HIGD1A: variants seen among roughly 807,000 people sequenced by gnomAD.
The protein encoded by HIGD1A is HIG1 domain family member 1A, mitochondrial.
Under a neutral mutation model 11.3 loss-of-function variants are expected in HIGD1A, and 8 were observed. The ratio of observed to expected loss-of-function variants is 0.71; its 90% CI spans 0.42 to 1.28. The LOEUF is 1.28. Among genes scored for constraint, HIGD1A ranks in the 50% most tolerant of loss-of-function variants. The pLI is 0.01. For missense variants in HIGD1A, 107 were observed against 118.8 expected, an observed-to-expected ratio of 0.90 and a Z score of 0.46; for synonymous variants, 32 against 38.4, an observed-to-expected ratio of 0.83 and a Z score of 0.62.
chr3:42,789,528 A>G (rs1019390239), intron 2 of HIGD1A, among the ~76,000 whole-genome samples: 4 of 148,484 alleles, frequency 2.7e-5, no homozygotes, highest in Non-Finnish European at 5.9e-5. Flanking sequence ...AATAAAAAAT[A>G]AATTAAAAAA....
At chr3:42,801,058 T>C (rs567218326) in intron 1 of HIGD1A, among the ~76,000 whole-genome samples, 25 of 152,292 alleles carry the variant, frequency 1.6e-4, no homozygotes, top group African/African-American at 6.0e-4. Context: ...GGCTATATAG[T>C]TTTTTATGAC....
chr3:42,803,786 C>G (rs1464831409), intron 1 of HIGD1A, among the ~76,000 whole-genome samples: 1 of 152,330 alleles, frequency 6.6e-6, no homozygotes, highest in East Asian at 1.9e-4. Context: ...ATCTCTAACC[C>G]GCCGACTCGG....
At chr3:42,803,918 T>C (rs1373740779) in intron 1 of HIGD1A, among the ~76,000 whole-genome samples, 1 of 152,154 alleles carries the variant, frequency 6.6e-6, no homozygotes, top group Non-Finnish European at 1.5e-5. Context: ...GAAGGTCCTC[T>C]GCTAGTACGC....
At chr3:42,792,510 A>G (rs1488010716) in intron 2 of HIGD1A, among the ~76,000 whole-genome samples, 1 of 151,578 alleles carries the variant, frequency 6.6e-6, no homozygotes, top group African/African-American at 2.4e-5. Context: ...TGTCTCTACT[A>G]AAAGATAGAA....
intron 1 of HIGD1A, among the ~76,000 whole-genome samples, chr3:42,801,639 G>C (rs1260178653): frequency 1.3e-5 from 2 of 152,110 alleles, no homozygotes; most frequent in Admixed American, 1.3e-4. Flanking sequence ...TAAGAAAAAT[G>C]CCTAACTGTA....
At chr3:42,786,005 TG>T in intron 3 of HIGD1A, 22 bp downstream of exon 3, 1 of 1,610,666 alleles carries the variant, frequency 6.2e-7, no homozygotes. Context: ...AACGAAAATT[TG>T]AAATTTCCTA....
chr3:42,783,426 C>T lies in HIGD1A; in HGVS notation c.*1845G>A, dbSNP rs564283031. 1.3e-5 allele frequency among the ~76,000 whole-genome samples: 2 copies of T among 152,144 alleles called. No homozygotes were observed. The highest frequency in any genetic ancestry group is 2.9e-5 in the Non-Finnish European group (2 of 68,006). ...CTTGAAGCCAGGAGTTCAAGATCATCCAACATGGTGAAACCTCGCCTTTAC... is the reference window on the plus strand; with the variant it reads ...CTTGAAGCCAGGAGTTCAAGATCATTCAACATGGTGAAACCTCGCCTTTAC... On this transcript the variant is annotated 3_prime_UTR_variant, in exon 4 of 4. Coordinates refer to ENST00000321331, the MANE Select transcript of HIGD1A (RefSeq NM_014056.4).
intron 1 of HIGD1A, 148 bp downstream of exon 1, chr3:42,804,288 G>A (rs1267151793): frequency 4.8e-6 from 6 of 1,252,474 alleles, no homozygotes; most frequent in Admixed American, 2.1e-5. Context: ...CCTGAGCCCC[G>A]GCAACTCCAC....
chr3:42,789,557 C>A (rs1303535886), intron 2 of HIGD1A, among the ~76,000 whole-genome samples: 1 of 69,256 alleles, frequency 1.4e-5, no homozygotes, highest in Non-Finnish European at 2.9e-5. Flanking sequence ...ACTGGAAGAA[C>A]ATCCAAGAAC....
At chr3:42,786,810 C>G (rs1013912628) in intron 2 of HIGD1A, among the ~76,000 whole-genome samples, 2 of 152,120 alleles carry the variant, frequency 1.3e-5, no homozygotes, top group East Asian at 1.9e-4. Flanking sequence ...GGGTCTTGCT[C>G]TGTTGCCCAG....
chr3:42,784,675 A>G lies in HIGD1A; in HGVS notation c.*596T>C, dbSNP rs1180763587. 3 of 152,630 alleles carry G rather than the reference A, an allele frequency of 2.0e-5. No individual in the cohort carries two copies. The highest frequency in any genetic ancestry group is 4.4e-5 in the Non-Finnish European group (3 of 68,052). 9.5% of individuals were successfully genotyped at this position (152,630 alleles called of 1,614,324 possible). On this transcript the variant is annotated 3_prime_UTR_variant, in exon 4 of 4. Transcript: ENST00000321331. The stretch of plus-strand genomic sequence containing the variant: ...ACAAAAAACTAAACTAGAATCCTTA[A>G]ATTATTCTCATGTTTACAGTTGTGA...
intron 1 of HIGD1A, among the ~76,000 whole-genome samples, chr3:42,800,346 A>G (rs751586498): frequency 2.0e-5 from 2 of 101,810 alleles, no homozygotes; most frequent in Non-Finnish European, 4.7e-5. Context: ...AAAATAAAAG[A>G]AAAAGAAAAA....
chr3:42,804,194 C>T (rs765226480), intron 1 of HIGD1A: 1 of 1,610,956 alleles, frequency 6.2e-7, no homozygotes, highest in South Asian at 1.1e-5. Context: ...TGCTCCATCT[C>T]CTCGCTGGCT....
intron 1 of HIGD1A, 135 bp from the exon 2 acceptor site, chr3:42,794,410 A>C: frequency 1.2e-6 from 1 of 808,330 alleles, no homozygotes; most frequent in Non-Finnish European, 1.8e-6. Flanking sequence ...GTTAAAAAAT[A>C]TTTTTAGAAA....
chr3:42,783,484 G>A lies in HIGD1A; in HGVS notation c.*1787C>T, dbSNP rs563539695. ...ACAAAAATTAGCCCGACATGGTGGC[G>A]CATGCCTGTAATCCCAGCTACTCGG... is the stretch of plus-strand genomic sequence containing the variant. On this transcript the variant is annotated 3_prime_UTR_variant, in exon 4 of 4. Coordinates refer to ENST00000321331, the MANE Select transcript of HIGD1A (RefSeq NM_014056.4). Among the ~76,000 whole-genome samples, 4 of 152,076 alleles carry A rather than the reference G, an allele frequency of 2.6e-5. No homozygotes were observed. In the South Asian group the frequency reaches 6.2e-4, roughly 24 times the overall value.
In HIGD1A at chr3:42,784,383, C is replaced by T. The variant is rs1700322371; in HGVS notation, c.*888G>A. On this transcript the variant is annotated 3_prime_UTR_variant, in exon 4 of 4. Coordinates refer to ENST00000321331, the MANE Select transcript of HIGD1A (RefSeq NM_014056.4). Reference sequence around the variant, plus strand: ...AAATTCAGATTAGACAAGAGAATTTCACAAGTGTGATAGCCTTCTGTATAT... The same window carrying T: ...AAATTCAGATTAGACAAGAGAATTTTACAAGTGTGATAGCCTTCTGTATAT... The T allele has an allele frequency of 6.6e-6, 1 of 152,192 alleles. No individual in the cohort carries two copies. The allele number at this position is 152,192 out of a possible 1,614,324, so 9.4% of individuals were successfully genotyped here. A position where few individuals can be genotyped will look rare whatever the true frequency, so the allele number is the denominator to read the frequency against.
At chr3:42,799,501 C>T (rs893744039) in intron 1 of HIGD1A, among the ~76,000 whole-genome samples, 18 of 152,292 alleles carry the variant, frequency 1.2e-4, no homozygotes, top group African/African-American at 3.6e-4. Flanking sequence ...CTAGTTGCCA[C>T]GCAGGCTGGA....
intron 1 of HIGD1A, among the ~76,000 whole-genome samples, chr3:42,803,546 G>A (rs1700596851): frequency 6.6e-6 from 1 of 152,204 alleles, no homozygotes; most frequent in African/African-American, 2.4e-5. Context: ...TGTGTGTCAT[G>A]CTGGAGCTTC....
intron 2 of HIGD1A, among the ~76,000 whole-genome samples, chr3:42,787,798 C>T (rs1437604648): frequency 6.7e-6 from 1 of 150,328 alleles, no homozygotes; most frequent in Non-Finnish European, 1.5e-5. Context: ...CAGAATTGCA[C>T]GGCACCATTA....
Sources: gnomAD v4.1 joint callset for allele counts (sites outside exome capture counted in the v4.1 genomes callset) on GRCh38, gnomAD v4.1.1 for gene constraint, MANE v1.5 for transcripts, NCBI Gene and HGNC (gene_info 2026-07-23, HGNC 2026-07-21) for gene names.